Variants in LPP observed in about 807,000 individuals in gnomAD.
The protein encoded by LPP is LIM domain containing preferred translocation partner in lipoma.
A neutral mutation model predicts 60.4 loss-of-function variants in LPP; 38 were observed. The observed-to-expected ratio is 0.63, with a 90% CI of 0.49 to 0.83. The LOEUF (loss-of-function observed/expected upper bound fraction) is 0.83, where lower values mean the gene tolerates loss of function less well. LPP is among the 40% of genes least tolerant of loss of function. LPP has a pLI of 0.00. For synonymous variants in LPP, 328 were observed against 290.8 expected (o/e 1.13, Z -1.30); for missense variants, 902 against 783.6 (o/e 1.15, Z -1.80).
chr3:188,322,996 A>G (rs898547405), intron 2 of LPP, among the ~76,000 whole-genome samples: 2 of 152,190 alleles, frequency 1.3e-5, no homozygotes, highest in African/African-American at 4.8e-5. Flanking sequence ...AGGGCATTAG[A>G]GTGATTGTGT....
intron 5 of LPP, among the ~76,000 whole-genome samples, chr3:188,497,324 C>T (rs979094120): frequency 6.6e-6 from 1 of 152,076 alleles, no homozygotes; most frequent in Admixed American, 6.6e-5. Flanking sequence ...TTCCACATGT[C>T]CTGCCTTCTG....
intron 4 of LPP, among the ~76,000 whole-genome samples, chr3:188,467,796 G>T (rs1035371978): frequency 1.3e-5 from 2 of 152,126 alleles, no homozygotes; most frequent in Non-Finnish European, 1.5e-5. Context: ...AGCTGGAAAA[G>T]ACAAAGAAGT....
intron 7 of LPP, among the ~76,000 whole-genome samples, chr3:188,674,324 A>C (rs1857545416): frequency 6.6e-6 from 1 of 152,114 alleles, no homozygotes; most frequent in Non-Finnish European, 1.5e-5. Flanking sequence ...TGTTTTTGTA[A>C]ACACGAAAAG....
At chr3:188,563,766 G>A (rs1202778918) in intron 6 of LPP, among the ~76,000 whole-genome samples, 2 of 145,896 alleles carry the variant, frequency 1.4e-5, no homozygotes, top group African/African-American at 5.1e-5. Context: ...AAAATTCAGT[G>A]TGGGCCATCA....
At chr3:188,856,900 C>T (rs1191227477) in intron 9 of LPP, among the ~76,000 whole-genome samples, 2 of 152,094 alleles carry the variant, frequency 1.3e-5, no homozygotes, top group African/African-American at 2.4e-5. Context: ...GTTTTGACAG[C>T]GACAAAACCC....
At chr3:188,323,829 A>T (rs919816802) in intron 2 of LPP, among the ~76,000 whole-genome samples, 6 of 152,192 alleles carry the variant, frequency 3.9e-5, no homozygotes, top group Admixed American at 3.3e-4. Context: ...TGTTAGGCAG[A>T]ATGGAAGTGG....
intron 2 of LPP, among the ~76,000 whole-genome samples, chr3:188,289,891 A>G (rs1410029366): frequency 1.3e-5 from 2 of 152,188 alleles, no homozygotes; most frequent in Admixed American, 6.5e-5. Flanking sequence ...CTTTCTCTCA[A>G]TATCATAATG....
intron 6 of LPP, among the ~76,000 whole-genome samples, chr3:188,595,466 A>G (rs1418525768): frequency 6.6e-6 from 1 of 152,220 alleles, no homozygotes; most frequent in African/African-American, 2.4e-5. Flanking sequence ...ATCTTGGGCT[A>G]GCCACCCTCC....
At chr3:188,749,273 A>G (rs911792076) in intron 8 of LPP, among the ~76,000 whole-genome samples, 4 of 152,166 alleles carry the variant, frequency 2.6e-5, no homozygotes, top group African/African-American at 9.7e-5. Context: ...ATCTTGAGAG[A>G]GTGCTACACT....
intron 3 of LPP, among the ~76,000 whole-genome samples, chr3:188,356,657 A>G: frequency 6.6e-6 from 1 of 152,214 alleles, no homozygotes; most frequent in East Asian, 1.9e-4. Context: ...CTGTGGCAAT[A>G]GTTCTTGGCT....
intron 6 of LPP, among the ~76,000 whole-genome samples, chr3:188,547,058 A>G (rs1334550371): frequency 1.3e-5 from 2 of 152,212 alleles, no homozygotes; most frequent in African/African-American, 4.8e-5. Context: ...ATGGATGCCT[A>G]GCGGAAGGTG....
At chr3:188,631,564 A>G (rs1847854049) in intron 7 of LPP, among the ~76,000 whole-genome samples, 1 of 152,204 alleles carries the variant, frequency 6.6e-6, no homozygotes, top group Non-Finnish European at 1.5e-5. Flanking sequence ...GTAGTACTCC[A>G]CATGTATACT....
intron 4 of LPP, among the ~76,000 whole-genome samples, chr3:188,410,115 A>G (rs1445711683): frequency 2.0e-5 from 3 of 152,214 alleles, no homozygotes; most frequent in African/African-American, 7.2e-5. Flanking sequence ...TGCCTGACTC[A>G]TGCCTTTTCC....
intron 2 of LPP, among the ~76,000 whole-genome samples, chr3:188,262,204 A>G (rs141393193): frequency 9.7e-4 from 148 of 152,256 alleles, no homozygotes; most frequent in African/African-American, 3.4e-3. Flanking sequence ...CCTTTCCTTT[A>G]CAAAAATGAG....
At chr3:188,292,041 C>G (rs898275914) in intron 2 of LPP, among the ~76,000 whole-genome samples, 1 of 152,072 alleles carries the variant, frequency 6.6e-6, no homozygotes, top group African/African-American at 2.4e-5. Flanking sequence ...GATTTGATAC[C>G]ATCTTGTTTC....
Position 188,612,462 on chromosome 3 carries a change from T to A in LPP, c.1113+2618T>A, listed in dbSNP as rs77797435. On this transcript the variant is annotated intron_variant, in intron 7 of 11. Coordinates refer to ENST00000617246, the MANE Select transcript of LPP (RefSeq NM_001375462.1). The stretch of plus-strand genomic sequence containing the variant: ...CGGGCATGAGAAATGAGCTCCGAAT[T>A]CTTATCCCAGTTCTTTCCTTGACAT... Among the ~76,000 whole-genome samples, 497 of 152,292 alleles carry A rather than the reference T, an allele frequency of 3.3e-3. 1 individual carries two copies. The highest frequency in any genetic ancestry group is 0.011 in the African/African-American group (455 of 41,572).
intron 4 of LPP, among the ~76,000 whole-genome samples, chr3:188,457,733 A>AT (rs1798047990): frequency 4.7e-5 from 2 of 42,326 alleles, no homozygotes; most frequent in African/African-American, 1.0e-4. Context: ...TCTACTAAAA[A>AT]AAAAAAATAT....
intron 3 of LPP, among the ~76,000 whole-genome samples, chr3:188,369,829 A>G (rs1053198334): frequency 9.2e-5 from 14 of 152,166 alleles, no homozygotes; most frequent in Admixed American, 6.5e-5. Context: ...TCTTTGTAAA[A>G]GAATCACAGA....
At chr3:188,544,063 G>T (rs761740857) in intron 6 of LPP, among the ~76,000 whole-genome samples, 1 of 152,178 alleles carries the variant, frequency 6.6e-6, no homozygotes, top group Non-Finnish European at 1.5e-5. Context: ...CAGAATTTAA[G>T]AAAGTTATAC....
Sources: allele counts gnomAD v4.1 joint callset (sites outside exome capture counted in the v4.1 genomes callset), GRCh38; gene constraint gnomAD v4.1.1; transcripts MANE v1.5; gene names NCBI Gene and HGNC (gene_info 2026-07-23, HGNC 2026-07-21).